The following PXDN variants were observed in gnomAD, a reference collection of about 807,000 sequenced individuals.
PXDN encodes the protein peroxidasin, also known as peroxidasin homolog.
A neutral mutation model predicts 140.3 loss-of-function variants in PXDN; 77 were observed. That is an observed-to-expected ratio of 0.55 (90% CI 0.46 to 0.66). The LOEUF is 0.66. PXDN is among the 30% of genes least tolerant of loss of function. The pLI, the probability that PXDN is intolerant of heterozygous loss-of-function variation, is 0.00. For missense variants in PXDN, 1,838 were observed against 2,039.5 expected, an observed-to-expected ratio of 0.90 and a Z score of 1.90; for synonymous variants, 911 against 857.4, an observed-to-expected ratio of 1.06 and a Z score of -1.09.
At position 1,632,474 on chromosome 2, in the gene PXDN, G is replaced by C. The variant is rs1425759174; in HGVS notation, c.*1730C>G. 1.3e-5 allele frequency: 2 copies of C among 152,220 alleles called. No individual in the cohort carries two copies. Among genetic ancestry groups the C allele is most frequent in the Non-Finnish European group, 2.9e-5 (2 of 68,046 alleles). 9.4% of individuals were successfully genotyped at this position (152,220 alleles called of 1,614,324 possible). A position where few individuals can be genotyped will look rare whatever the true frequency, so the allele number is the denominator to read the frequency against. ...ATTTCAAAAGAAGTCCACATGTCAT[G>C]AAACACCAACCAATTTTTATCAATC... On this transcript the variant is annotated 3_prime_UTR_variant, in exon 23 of 23. Coordinates refer to ENST00000252804, the MANE Select transcript of PXDN (RefSeq NM_012293.3). This position sits in a 1 kb window ranked among gnomAD's most constrained non-coding sequence, Gnocchi z 4.3.
chr2:1,638,682 G>A (rs780367893), intron 21 of PXDN, among the ~76,000 whole-genome samples, 164 bp downstream of exon 21: 4 of 152,146 alleles, frequency 2.6e-5, no homozygotes, highest in Non-Finnish European at 5.9e-5. Flanking sequence ...GGCCCGGCCT[G>A]ACCCAGCGTG....
In PXDN at chr2:1,662,153, G is replaced by C. The variant is rs371201138; in HGVS notation, c.1599C>G (p.Asp533Glu). The C allele has an allele frequency of 1.1e-5, 17 of 1,594,160 alleles. No individual in the cohort carries two copies. Among genetic ancestry groups the C allele is most frequent in the Non-Finnish European group, 1.5e-5 (17 of 1,170,300 alleles). Residue 533 changes from aspartate (D) to glutamate (E), a missense_variant, in exon 13 of 23, where the codon GAC becomes GAG. Physicochemically the swap from Asp to Glu is conservative, Grantham distance 45. Coordinates refer to ENST00000252804, the MANE Select transcript of PXDN (RefSeq NM_012293.3). ...VTPVFASIPS[D>E]TTVEVGANVQ... ...CATTGGCGCCCACCTCCACTGTTGT[G>C]TCGCTGGGAATGCTGGCAAACACTG...
Position 1,685,297 on chromosome 2 carries a change from G to A in PXDN, c.417-1146C>T, listed in dbSNP as rs1341128567. Among the ~76,000 whole-genome samples, 1 of 152,228 alleles carries A rather than the reference G, an allele frequency of 6.6e-6. No homozygotes were observed. The highest frequency in any genetic ancestry group is 1.5e-5 in the Non-Finnish European group (1 of 68,040). The stretch of plus-strand genomic sequence containing the variant: ...CGCACGAATGGGAAACGTGAGGGAA[G>A]GAAAAACTGGAGCAGGAAGACAAGG... On this transcript the variant is annotated intron_variant, in intron 4 of 22. Transcript: ENST00000252804. The surrounding 1 kb of genome is among the most constrained non-coding windows in gnomAD (Gnocchi z 5.1).
At chr2:1,645,176 T>C (rs1398160049) in intron 17 of PXDN, among the ~76,000 whole-genome samples, 1 of 152,214 alleles carries the variant, frequency 6.6e-6, no homozygotes, top group African/African-American at 2.4e-5. Flanking sequence ...TAAAAGTATA[T>C]ACATTTTTAA....
intron 10 of PXDN, 111 bp downstream of exon 10, chr2:1,666,103 G>A (rs1350953546): frequency 7.1e-7 from 1 of 1,402,422 alleles, no homozygotes; most frequent in Non-Finnish European, 9.7e-7. Context: ...ACCGAGTGAA[G>A]TGGACAGGGC....
upstream of PXDN, chr2:1,744,790 T>G (rs1036696042): frequency 2.7e-5 from 6 of 220,276 alleles, no homozygotes; most frequent in East Asian, 1.0e-4. Context: ...GCGAAGCTTC[T>G]CCACTTCTCT....
rs573679666 is a variant in PXDN, at chr2:1,717,087, C to A, written c.201-23953G>T. 1.1e-3 allele frequency among the ~76,000 whole-genome samples: 170 copies of A among 152,306 alleles called. 4 individuals carry two copies. In the Middle Eastern group the frequency reaches 0.017, roughly 15 times the overall value. On this transcript the variant is annotated intron_variant, in intron 1 of 22. Coordinates refer to ENST00000252804, the MANE Select transcript of PXDN (RefSeq NM_012293.3). ...TAAGGTCTGTATACTGATGGGAAGA[C>A]AAATCTGATGTAACACAGCCATCGA...
Position 1,666,442 on chromosome 2 carries a change from C to T in PXDN, c.1063G>A (p.Val355Ile), listed in dbSNP as rs1353131579. 1 of 1,612,604 alleles carries T rather than the reference C, an allele frequency of 6.2e-7. No individual in the cohort carries two copies. The highest frequency in any genetic ancestry group is 8.5e-7 in the Non-Finnish European group (1 of 1,179,114). ...VIQPQNTEVL[V>I]GESVTLECSA... ...CACTCCAGCGTGACGCTCTCCCCAA[C>T]CAGCACCTCTGTATTCTGTGGCTGG... is the stretch of plus-strand genomic sequence containing the variant. The change falls in exon 10 of 23, where the codon GTT (valine) becomes ATT (isoleucine). Residue 355 changes from valine to isoleucine, a missense_variant. This residue lies in a region of PXDN where 208 missense variants were observed against 325.8 expected (regional missense o/e 0.64). Transcript: ENST00000252804.
intron 7 of PXDN, among the ~76,000 whole-genome samples, chr2:1,678,486 C>G (rs563304796): frequency 1.2e-4 from 18 of 152,182 alleles, no homozygotes; most frequent in Non-Finnish European, 2.6e-4. Flanking sequence ...CAAGAATAAT[C>G]ACTGACAGCC....
At position 1,649,467 on chromosome 2, in the gene PXDN, G is replaced by T; in HGVS notation, c.2313C>A (p.Tyr771Ter). 1 of 1,614,008 alleles carries T rather than the reference G, an allele frequency of 6.2e-7. No homozygotes were observed. Among genetic ancestry groups the T allele is most frequent in the African/African-American group, 1.3e-5 (1 of 75,056 alleles). Reference protein sequence around the residue: ...TAFERLLKSVYENGFNTPRGI... With the variant: ...TAFERLLKSV ...CCCGAGGGGTGTTGAAGCCATTCTC[G>T]TACACGGATTTCAGCAGGCGCTCGA... Residue 771 changes from tyrosine to a stop codon, truncating the protein, a stop_gained, in exon 17 of 23, where the codon TAC becomes TAA. Transcript: ENST00000252804. LOFTEE classifies it high-confidence loss of function. The surrounding 1 kb of genome is among the most constrained non-coding windows in gnomAD (Gnocchi z 7.1).
chr2:1,675,785 CACAGTTTGAGCCCGAG>C (rs540441919), intron 8 of PXDN, among the ~76,000 whole-genome samples: 23,780 of 151,714 alleles, frequency 0.16, 2,323 homozygotes, highest in African/African-American at 0.26. Flanking sequence ...TGTGCCTCAT[CACAGTTTGAGCCCGAG>C]TATCAAACAA....
chr2:1,703,432 G>A (rs1427652386), intron 1 of PXDN, among the ~76,000 whole-genome samples: 2 of 53,596 alleles, frequency 3.7e-5, no homozygotes, highest in African/African-American at 1.7e-4. Flanking sequence ...ACAACTCCAG[G>A]TGAAGCGGGG....
intron 19 of PXDN, among the ~76,000 whole-genome samples, chr2:1,641,025 C>T (rs1682715534): frequency 6.6e-6 from 1 of 152,256 alleles, no homozygotes; most frequent in Non-Finnish European, 1.5e-5. Context: ...GCTGCCCAGG[C>T]TGGCCAAGCC....
intron 1 of PXDN, among the ~76,000 whole-genome samples, chr2:1,734,034 A>C (rs1230399740): frequency 1.8e-4 from 27 of 152,236 alleles, no homozygotes; most frequent in Non-Finnish European, 3.5e-4. Context: ...GACAGCTTAA[A>C]TGAAATAACA....
At chr2:1,664,923 G>A (rs771917710) in intron 11 of PXDN, 35 bp downstream of exon 11, 193 of 1,504,660 alleles carry the variant, frequency 1.3e-4, no homozygotes, top group Middle Eastern at 1.8e-4. Context: ...CTGTGGCCGC[G>A]GAGGGAGCAG....
intron 8 of PXDN, chr2:1,676,634 C>T (rs146683987): frequency 2.3e-4 from 105 of 463,004 alleles, no homozygotes; most frequent in African/African-American, 1.9e-3. Flanking sequence ...GAACAACCAG[C>T]ATGCTCTCCC....
chr2:1,638,392 C>T (rs1021976579), intron 21 of PXDN, among the ~76,000 whole-genome samples: 1 of 152,108 alleles, frequency 6.6e-6, no homozygotes, highest in Non-Finnish European at 1.5e-5. Flanking sequence ...GTGGTCGTAC[C>T]ACAGACACCA....
chr2:1,700,032 T>C (rs936890455), intron 1 of PXDN, among the ~76,000 whole-genome samples: 2 of 152,184 alleles, frequency 1.3e-5, no homozygotes, highest in Non-Finnish European at 2.9e-5. Flanking sequence ...ATTTTTATTA[T>C]GACTTTATCT....
chr2:1,718,316 A>T (rs926438487), intron 1 of PXDN, among the ~76,000 whole-genome samples: 80 of 133,326 alleles, frequency 6.0e-4, no homozygotes, highest in South Asian at 2.8e-3. Context: ...CTAACCTAAA[A>T]CTCAAACCTA....
Sources: gnomAD v4.1 joint callset for allele counts (sites outside exome capture counted in the v4.1 genomes callset) on GRCh38, gnomAD v4.1.1 for gene constraint, gnomAD v4.1.1 regional missense constraint, Gnocchi (gnomAD v3.1) non-coding constraint, MANE v1.5 for transcripts, NCBI Gene and HGNC (gene_info 2026-07-23, HGNC 2026-07-21) for gene names.